SLC25A48: variants seen among roughly 807,000 people sequenced by gnomAD.
The protein encoded by SLC25A48 is CTC-321K16.1.
SLC25A48 carries 29 observed loss-of-function variants against 32.2 expected under a neutral mutation model. The ratio of observed to expected loss-of-function variants is 0.90; its 90% CI spans 0.67 to 1.23. The LOEUF (loss-of-function observed/expected upper bound fraction) is 1.23. SLC25A48 is among the 50% of genes most tolerant of loss of function. The pLI is 0.00. For missense variants in SLC25A48, 399 were observed against 422.7 expected, an observed-to-expected ratio of 0.94 and a Z score of 0.49; for synonymous variants, 164 against 172.3, an observed-to-expected ratio of 0.95 and a Z score of 0.38.
At chr5:135,663,621 TTA>T (rs1459702475) in intron 3 of SLC25A48, among the ~76,000 whole-genome samples, 1 of 152,220 alleles carries the variant, frequency 6.6e-6, no homozygotes, top group Non-Finnish European at 1.5e-5. Context: ...ACCATGATTG[TTA>T]TGTGTGCAAG....
chr5:135,763,754 A>AACACACACACACACACACACACAC (rs747888245), intron 3 of SLC25A48, among the ~76,000 whole-genome samples: 8 of 145,988 alleles, frequency 5.5e-5, no homozygotes, highest in South Asian at 4.4e-4. Context: ...GAGAAATAGG[A>AACACACACACACACACACACACAC]ACACACACAT....
At chr5:135,769,746 AC>A (rs1177468112) in intron 3 of SLC25A48, among the ~76,000 whole-genome samples, 2 of 151,092 alleles carry the variant, frequency 1.3e-5, no homozygotes, top group African/African-American at 4.9e-5. Flanking sequence ...ATATCGCAGG[AC>A]GTGTACACCC....
Position 135,647,097 on chromosome 5 carries a change from C to T in SLC25A48, c.-521+12141C>T, listed in dbSNP as rs950184738. Among the ~76,000 whole-genome samples, 6 of 149,366 alleles carry T rather than the reference C, an allele frequency of 4.0e-5. No homozygotes were observed. The South Asian group carries it at 6.4e-4, about 16-fold the overall frequency. The stretch of plus-strand genomic sequence containing the variant: ...TTTCGCAATGTGTACTTATATCACA[C>T]GTCATGTTCTGCACCAAAAACACAT... On this transcript the variant is annotated intron_variant, in intron 3 of 10. Coordinates refer to the SLC25A48 transcript ENST00000646290.
chr5:135,699,354 T>TACTA (rs149277860), intron 3 of SLC25A48, among the ~76,000 whole-genome samples: 2,513 of 150,754 alleles, frequency 0.017, 81 homozygotes, highest in African/African-American at 0.058. Context: ...AAGAACAAAC[T>TACTA]ACTAACACCT....
chr5:135,775,950 A>G (rs1289710989), intron 3 of SLC25A48, among the ~76,000 whole-genome samples: 1 of 151,746 alleles, frequency 6.6e-6, no homozygotes, highest in Non-Finnish European at 1.5e-5. Context: ...TGTTCCTCAT[A>G]TAAGAAGGTG....
At chr5:135,766,145 A>T (rs1337255316) in intron 3 of SLC25A48, among the ~76,000 whole-genome samples, 1 of 151,516 alleles carries the variant, frequency 6.6e-6, no homozygotes, top group Non-Finnish European at 1.5e-5. Flanking sequence ...AATATCTAGA[A>T]GGGGAGAGGG....
intron 3 of SLC25A48, chr5:135,653,742 G>A (rs140539643): frequency 8.9e-6 from 4 of 451,306 alleles, no homozygotes; most frequent in South Asian, 4.7e-5. Context: ...AGATAAAGGA[G>A]CTGAAAGCAG....
intron 2 of SLC25A48, among the ~76,000 whole-genome samples, chr5:135,848,553 C>G (rs1354147070): frequency 6.6e-6 from 1 of 152,216 alleles, no homozygotes; most frequent in East Asian, 1.9e-4. Context: ...CCCAGCTCTT[C>G]TTATCCTTGG....
chr5:135,764,769 T>C (rs1756162658), intron 3 of SLC25A48, among the ~76,000 whole-genome samples: 1 of 149,826 alleles, frequency 6.7e-6, no homozygotes. Context: ...GTGATATGGT[T>C]CATAATATCA....
At chr5:135,881,464 A>G (rs1224612223) in intron 7 of SLC25A48, among the ~76,000 whole-genome samples, 1 of 152,166 alleles carries the variant, frequency 6.6e-6, no homozygotes. Context: ...AATGCTCTCC[A>G]CTTTTTGCTA....
At chr5:135,841,858 T>C (rs1049538748) in intron 1 of SLC25A48, among the ~76,000 whole-genome samples, 2 of 152,212 alleles carry the variant, frequency 1.3e-5, no homozygotes, top group African/African-American at 4.8e-5. Flanking sequence ...GAATCTTTAT[T>C]GCTTGCTGCA....
At chr5:135,789,075 C>T (rs954753104) in intron 3 of SLC25A48, among the ~76,000 whole-genome samples, 2 of 142,150 alleles carry the variant, frequency 1.4e-5, no homozygotes, top group East Asian at 2.1e-4. Flanking sequence ...CTGTAATATC[C>T]GAGAAGAGAG....
intron 7 of SLC25A48, among the ~76,000 whole-genome samples, chr5:135,883,633 G>A (rs1189513178): frequency 2.0e-5 from 3 of 152,134 alleles, no homozygotes; most frequent in Non-Finnish European, 2.9e-5. Flanking sequence ...AGATGCCTAA[G>A]GTCGGCAGCA....
At chr5:135,660,642 T>C (rs761346471) in intron 3 of SLC25A48, among the ~76,000 whole-genome samples, 3 of 152,286 alleles carry the variant, frequency 2.0e-5, no homozygotes, top group African/African-American at 2.4e-5. Flanking sequence ...GTTTTTTTTG[T>C]ATAGGAAGTG....
chr5:135,696,489 T>C (rs1212109017), intron 3 of SLC25A48, among the ~76,000 whole-genome samples: 2 of 151,656 alleles, frequency 1.3e-5, no homozygotes, highest in African/African-American at 4.9e-5. Context: ...GCTCAGTGAA[T>C]GCTGGGTGAG....
At chr5:135,776,238 C>A (rs1036700956) in intron 3 of SLC25A48, among the ~76,000 whole-genome samples, 37 of 146,678 alleles carry the variant, frequency 2.5e-4, no homozygotes, top group Non-Finnish European at 1.0e-4. Context: ...AGGGTGTAAA[C>A]CTACCAGAGG....
chr5:135,598,019 CCAAA>C (rs1751699110), intron 1 of SLC25A48, among the ~76,000 whole-genome samples: 1 of 71,416 alleles, frequency 1.4e-5, no homozygotes, highest in East Asian at 4.0e-4. Context: ...AAAAATCAAA[CCAAA>C]AAACAAACAA....
chr5:135,674,967 C>T (rs1203164542), intron 3 of SLC25A48, among the ~76,000 whole-genome samples: 1 of 151,624 alleles, frequency 6.6e-6, no homozygotes, highest in East Asian at 1.9e-4. Context: ...AGTTTACATT[C>T]CCACAAACAG....
At chr5:135,818,054 CCTCTCTCTCTCTCTCTCTCT>C (rs58632457) in intron 4 of SLC25A48, among the ~76,000 whole-genome samples, 4,135 of 80,694 alleles carry the variant, frequency 0.051, 72 homozygotes, top group South Asian at 0.091. Context: ...TCTCTCTGTT[CCTCTCTCTCTCTCTCTCTCT>C]CTCTCTCTCT....
Sources: gnomAD v4.1 joint callset for allele counts (sites outside exome capture counted in the v4.1 genomes callset) on GRCh38, gnomAD v4.1.1 for gene constraint, MANE v1.5 for transcripts, NCBI Gene and HGNC (gene_info 2026-07-23, HGNC 2026-07-21) for gene names.